Variants in STIM1 observed in about 807,000 individuals in gnomAD.
STIM1 encodes the protein stromal interaction molecule 1.
STIM1 carries 25 observed loss-of-function variants against 74.7 expected under a neutral mutation model. The observed-to-expected ratio is 0.33, with a 90% CI of 0.24 to 0.47. The LOEUF is 0.47. Among genes scored for constraint, STIM1 ranks in the 20% least tolerant of loss-of-function variants. STIM1 has a pLI of 1.00. For synonymous variants in STIM1, 328 were observed against 348.8 expected (o/e 0.94, Z 0.66); for missense variants, 728 against 920.8 (o/e 0.79, Z 2.71).
At chr11:3,946,095 G>T (rs1354931789) in intron 1 of STIM1, among the ~76,000 whole-genome samples, 1 of 152,118 alleles carries the variant, frequency 6.6e-6, no homozygotes, top group Non-Finnish European at 1.5e-5. Context: ...ATGAAATTTG[G>T]GTAGGGATGA....
chr11:3,931,718 GT>G (rs2092862709), intron 1 of STIM1, among the ~76,000 whole-genome samples: 1 of 152,168 alleles, frequency 6.6e-6, no homozygotes, highest in African/African-American at 2.4e-5. Context: ...GTATTAGGAG[GT>G]TGTAGGGTAA....
intron 1 of STIM1, among the ~76,000 whole-genome samples, chr11:3,863,972 C>G (rs1002441070): frequency 6.6e-6 from 1 of 152,002 alleles, no homozygotes; most frequent in African/African-American, 2.4e-5. Flanking sequence ...TTGGTGCTAT[C>G]CGCTGGGAGT....
At chr11:4,079,034 GT>G (rs1176918719) in intron 7 of STIM1, among the ~76,000 whole-genome samples, 1 of 150,676 alleles carries the variant, frequency 6.6e-6, no homozygotes, top group African/African-American at 2.4e-5. Flanking sequence ...GCTCACGCCT[GT>G]AATCCCAGCA....
intron 4 of STIM1, 134 bp from the exon 5 acceptor site, chr11:4,059,147 A>T: frequency 1.2e-6 from 1 of 852,460 alleles, no homozygotes; most frequent in Non-Finnish European, 1.9e-6. Context: ...ACTGGTATAG[A>T]CTCTGTGTTC....
chr11:4,059,975 TATA>T (rs2094319402), intron 5 of STIM1, among the ~76,000 whole-genome samples: 1 of 152,202 alleles, frequency 6.6e-6, no homozygotes, highest in African/African-American at 2.4e-5. Flanking sequence ...TTTATATATA[TATA>T]ATGACAGTGG....
At chr11:3,941,767 G>C (rs1262068993) in intron 1 of STIM1, among the ~76,000 whole-genome samples, 15 of 151,504 alleles carry the variant, frequency 9.9e-5, no homozygotes, top group African/African-American at 3.6e-4. Flanking sequence ...GCTCACTGCA[G>C]TCTTGACCTC....
intron 2 of STIM1, among the ~76,000 whole-genome samples, chr11:4,017,748 G>A (rs566516263): frequency 6.6e-6 from 1 of 152,198 alleles, no homozygotes; most frequent in East Asian, 1.9e-4. Context: ...AAATCATGAG[G>A]ATAGCAGATT....
chr11:4,025,358 AG>A (rs1166582315), intron 3 of STIM1, among the ~76,000 whole-genome samples: 2 of 152,202 alleles, frequency 1.3e-5, no homozygotes, highest in African/African-American at 4.8e-5. Flanking sequence ...TCAATGTAGA[AG>A]AAAAATTAGG....
chr11:3,915,702 T>C (rs1175769599), intron 1 of STIM1, among the ~76,000 whole-genome samples: 1 of 152,012 alleles, frequency 6.6e-6, no homozygotes, highest in Non-Finnish European at 1.5e-5. Context: ...CGGCCTAGTT[T>C]TTAATTTTTA....
intron 2 of STIM1, among the ~76,000 whole-genome samples, chr11:4,000,309 C>T (rs555682462): frequency 9.3e-5 from 14 of 150,378 alleles, no homozygotes; most frequent in South Asian, 2.2e-4. Context: ...CCCCGACCCC[C>T]GAGCAGCCTA....
At chr11:3,900,573 T>G (rs906159354) in intron 1 of STIM1, among the ~76,000 whole-genome samples, 3 of 152,216 alleles carry the variant, frequency 2.0e-5, no homozygotes, top group Admixed American at 2.0e-4. Context: ...TTCGGCCATC[T>G]TGGCTCCCGA....
intron 1 of STIM1, among the ~76,000 whole-genome samples, chr11:3,911,971 AT>A (rs963493537): frequency 2.0e-5 from 3 of 152,054 alleles, no homozygotes; most frequent in Non-Finnish European, 2.9e-5. Context: ...GCACTTACTG[AT>A]TTTTTAGAGC....
intron 1 of STIM1, among the ~76,000 whole-genome samples, chr11:3,898,407 G>A (rs2092252141): frequency 9.1e-6 from 1 of 110,422 alleles, no homozygotes; most frequent in Non-Finnish European, 1.8e-5. Flanking sequence ...TGTAGATTCT[G>A]GATATTAGCC....
At chr11:3,938,530 AC>A (rs2092964439) in intron 1 of STIM1, among the ~76,000 whole-genome samples, 1 of 152,152 alleles carries the variant, frequency 6.6e-6, no homozygotes, top group Non-Finnish European at 1.5e-5. Flanking sequence ...AAAGGGACTG[AC>A]AGGAGGGACT....
At chr11:3,937,986 T>G (rs2092956215) in intron 1 of STIM1, among the ~76,000 whole-genome samples, 2 of 151,286 alleles carry the variant, frequency 1.3e-5, no homozygotes, top group African/African-American at 4.9e-5. Flanking sequence ...CAGGCTGCAA[T>G]GTAGTGGGGC....
At chr11:3,991,318 C>T (rs1476796818) in intron 2 of STIM1, among the ~76,000 whole-genome samples, 1 of 151,674 alleles carries the variant, frequency 6.6e-6, no homozygotes, top group Non-Finnish European at 1.5e-5. Flanking sequence ...TACAGGCATG[C>T]ACCACTGCCT....
chr11:3,973,342 T>C, intron 2 of STIM1: 2 of 438,024 alleles, frequency 4.6e-6, no homozygotes, highest in South Asian at 1.8e-5. Flanking sequence ...ACACTAGCCA[T>C]CTCTTTCTTC....
chr11:4,018,637 C>T (rs1459829868), intron 2 of STIM1, among the ~76,000 whole-genome samples: 1 of 140,008 alleles, frequency 7.1e-6, no homozygotes, highest in Non-Finnish European at 1.5e-5. Flanking sequence ...AAGAATGAAA[C>T]TCTGTCTCAA....
chr11:3,948,288 A>G lies in STIM1; in HGVS notation c.140-19264A>G, dbSNP rs533574174. Reference sequence around the variant, plus strand: ...CTCAAGCTCTGGTGCTTTGTTTTGTATAGGTCAGTTTCCCATATATCTCCC... The same window carrying G: ...CTCAAGCTCTGGTGCTTTGTTTTGTGTAGGTCAGTTTCCCATATATCTCCC... On this transcript the variant is annotated intron_variant, in intron 1 of 12. Transcript: ENST00000526596. 1.3e-4 allele frequency among the ~76,000 whole-genome samples: 20 copies of G among 152,244 alleles called. No homozygotes were observed. In the South Asian group the frequency reaches 3.7e-3, roughly 29 times the overall value.
Sources: allele counts gnomAD v4.1 joint callset (sites outside exome capture counted in the v4.1 genomes callset), GRCh38; gene constraint gnomAD v4.1.1; transcripts MANE v1.5; gene names NCBI Gene and HGNC (gene_info 2026-07-23, HGNC 2026-07-21).